Variants in DDA1 observed in about 807,000 individuals in gnomAD.
DDA1 encodes the protein DET1 and DDB1 associated 1.
DDA1 carries 3 observed loss-of-function variants against 18.6 expected under a neutral mutation model. The observed-to-expected ratio is 0.16, with a 90% CI of 0.07 to 0.42. DDA1 has a LOEUF of 0.42. Ranked by LOEUF, DDA1 falls within the 10% of genes least tolerant of loss-of-function variation. The probability of loss-of-function intolerance (pLI) is 0.99; values close to 1 mark genes in which losing one functional copy is unlikely to be tolerated. For synonymous variants in DDA1, 52 were observed against 54.0 expected (o/e 0.96, Z 0.17); for missense variants, 105 against 138.2 (o/e 0.76, Z 1.20).
intron 4 of DDA1, 113 bp downstream of exon 4, chr19:17,316,108 C>G: frequency 1.6e-6 from 2 of 1,282,314 alleles, no homozygotes; most frequent in Non-Finnish European, 2.3e-6. Flanking sequence ...GCCTTGAGGG[C>G]TGGGTAGGAG....
In DDA1 at chr19:17,319,934, C is replaced by G. The variant is rs1242266957; in HGVS notation, c.*278C>G. 2.9e-5 allele frequency: 10 copies of G among 346,990 alleles called. No individual in the cohort carries two copies. The highest frequency in any genetic ancestry group is 4.3e-5 in the Non-Finnish European group (8 of 188,004). The allele number at this position is 346,990 out of a possible 1,614,324, so 21.5% of individuals were successfully genotyped here. ...AAAAAAACAACATTGTCCCCCCGAC[C>G]CCCGCCTTCCATCGGGCCAGTTCCC... On this transcript the variant is annotated 3_prime_UTR_variant, in exon 5 of 5. Coordinates refer to ENST00000359866, the MANE Select transcript of DDA1 (RefSeq NM_024050.6).
At position 17,320,529 on chromosome 19, in the gene DDA1, T is replaced by G. The variant is rs1425187823; in HGVS notation, c.*873T>G. The G allele has an allele frequency of 6.6e-6, 1 of 152,346 alleles. No individual in the cohort carries two copies. Among genetic ancestry groups the G allele is most frequent in the African/African-American group, 2.4e-5 (1 of 41,460 alleles). The allele number at this position is 152,346 out of a possible 1,614,324, so 9.4% of individuals were successfully genotyped here. A position where few individuals can be genotyped will look rare whatever the true frequency, so the allele number is the denominator to read the frequency against. On this transcript the variant is annotated 3_prime_UTR_variant, in exon 5 of 5. Transcript: ENST00000359866. ...AGGACAGGTCATTCCTGAGAGACGGTCCATGGTGCCAAGGATGGAGCGGGG... is the reference window on the plus strand; with the variant it reads ...AGGACAGGTCATTCCTGAGAGACGGGCCATGGTGCCAAGGATGGAGCGGGG...
intron 4 of DDA1, among the ~76,000 whole-genome samples, chr19:17,317,681 A>C (rs1049538492): frequency 1.3e-5 from 2 of 151,496 alleles, no homozygotes; most frequent in East Asian, 1.9e-4. Context: ...AAAAAAAAAA[A>C]AAAAAAACAA....
At chr19:17,319,498 T>G in intron 4 of DDA1, 48 bp from the exon 5 acceptor site, 2 of 1,501,148 alleles carry the variant, frequency 1.3e-6, no homozygotes, top group South Asian at 2.4e-5. Flanking sequence ...AGGTTGAGGC[T>G]GTCCGAAAAA....
intron 3 of DDA1, among the ~76,000 whole-genome samples, chr19:17,315,150 C>CGTATATATACACACGT (rs1568353576): frequency 3.1e-5 from 2 of 63,846 alleles, no homozygotes. Context: ...TATACACACA[C>CGTATATATACACACGT]GTATATATAC....
At chr19:17,310,789 A>C (rs1273212494) in intron 1 of DDA1, among the ~76,000 whole-genome samples, 1 of 152,064 alleles carries the variant, frequency 6.6e-6, no homozygotes, top group African/African-American at 2.4e-5. Context: ...AGTGGATTAG[A>C]TTGTCTCTGC....
intron 1 of DDA1, 35 bp from the exon 2 acceptor site, chr19:17,313,988 C>A: frequency 6.3e-7 from 1 of 1,579,698 alleles, no homozygotes; most frequent in Non-Finnish European, 8.7e-7. Context: ...TGGCCCTTGC[C>A]TGTTTTCTCA....
chr19:17,319,682 T>C lies in DDA1; in HGVS notation c.*26T>C. 6.5e-7 allele frequency: 1 copy of C among 1,546,802 alleles called. No homozygotes were observed. Among genetic ancestry groups the C allele is most frequent in the Non-Finnish European group, 8.7e-7 (1 of 1,143,296 alleles). Reference sequence around the variant, plus strand: ...GACTCTCAACTCCACAGGCGCCTCCTGCCAGGTCTGCTCCTCGGTCGCCCA... The same window carrying C: ...GACTCTCAACTCCACAGGCGCCTCCCGCCAGGTCTGCTCCTCGGTCGCCCA... On this transcript the variant is annotated 3_prime_UTR_variant, in exon 5 of 5. Transcript: ENST00000359866.
rs187816280 is a variant in DDA1 at position 17,314,453 on chromosome 19, C to T, written c.136+64C>T. Reference sequence around the variant, plus strand: ...GAGGGGCGGGGTTTGGTGACTGCAGCGTGGCACGCGGAGGTTATCTTCAAC... The same window carrying T: ...GAGGGGCGGGGTTTGGTGACTGCAGTGTGGCACGCGGAGGTTATCTTCAAC... On this transcript the variant is annotated intron_variant, in intron 3 of 4. Coordinates refer to ENST00000359866, the MANE Select transcript of DDA1 (RefSeq NM_024050.6). This position sits in a 1 kb window ranked among gnomAD's most constrained non-coding sequence, Gnocchi z 4.6. 66 of 1,601,604 alleles carry T rather than the reference C, an allele frequency of 4.1e-5. No individual in the cohort carries two copies. Among genetic ancestry groups the T allele is most frequent in the Admixed American group, 3.0e-4 (18 of 59,916 alleles).
At chr19:17,313,942 C>T (rs1359664232) in intron 1 of DDA1, 81 bp from the exon 2 acceptor site, 4 of 1,154,526 alleles carry the variant, frequency 3.5e-6, no homozygotes, top group Non-Finnish European at 5.2e-6. Flanking sequence ...GAAGAAGGAA[C>T]CCAGCAGTCA....
Position 17,319,923 on chromosome 19 carries a change from G to C in DDA1, c.*267G>C. 1 of 372,248 alleles carries C rather than the reference G, an allele frequency of 2.7e-6. No homozygotes were observed. The allele number at this position is 372,248 out of a possible 1,614,324, so 23.1% of individuals were successfully genotyped here. ...GATGCTTTTTAAAAAAAACAACATT[G>C]TCCCCCCGACCCCCGCCTTCCATCG... On this transcript the variant is annotated 3_prime_UTR_variant, in exon 5 of 5. Transcript: ENST00000359866.
At position 17,315,123 on chromosome 19, in the gene DDA1, A is replaced by G. The variant is rs74197774; in HGVS notation, c.136+734A>G. ...TACACACATATATATACACACACGT[A>G]TATATACACACATATATATACACAC... On this transcript the variant is annotated intron_variant, in intron 3 of 4. Transcript: ENST00000359866. Among the ~76,000 whole-genome samples the G allele has an allele frequency of 2.9e-3, 248 of 85,598 alleles. 7 individuals are homozygous for G. The highest frequency in any genetic ancestry group is 0.013 in the East Asian group (50 of 3,758). The allele number at this position is 85,598 out of a possible 152,430, so 56.2% of individuals were successfully genotyped here.
At chr19:17,317,668 TAA>T (rs34303101) in intron 4 of DDA1, among the ~76,000 whole-genome samples, 58 of 97,682 alleles carry the variant, frequency 5.9e-4, no homozygotes, top group Admixed American at 1.1e-3. Context: ...ACTCCATCAC[TAA>T]AAAAAAAAAA....
Position 17,315,950 on chromosome 19 carries a change from G to A in DDA1, c.153G>A (p.Lys51=). Residue 51 remains lysine, a synonymous_variant, in exon 4 of 5, where the codon AAG becomes AAA. Transcript: ENST00000359866. Reference sequence around the variant, plus strand: ...CCTCCTTAGTCATCGTGACAGAAAAGACAAACATCCTCCTGCGCTACCTGC... The same window carrying A: ...CCTCCTTAGTCATCGTGACAGAAAAAACAAACATCCTCCTGCGCTACCTGC... ...YPSEQIIVTE[K]TNILLRYLHQ... is the part of the protein sequence containing the mutation. 6.2e-7 allele frequency: 1 copy of A among 1,614,156 alleles called. No individual in the cohort carries two copies. Among genetic ancestry groups the A allele is most frequent in the Non-Finnish European group, 8.5e-7 (1 of 1,180,014 alleles).
In DDA1 at chr19:17,309,626, G is replaced by T; in HGVS notation, c.-29G>T. ...TGGCGGCGGTGGAGGCTGAGGCGGCGGCCGAGGCGGCGACGGAGGAAACAG... is the reference window on the plus strand; with the variant it reads ...TGGCGGCGGTGGAGGCTGAGGCGGCTGCCGAGGCGGCGACGGAGGAAACAG... On this transcript the variant is annotated 5_prime_UTR_variant, in exon 1 of 5. Coordinates refer to ENST00000359866, the MANE Select transcript of DDA1 (RefSeq NM_024050.6). 1 of 1,612,396 alleles carries T rather than the reference G, an allele frequency of 6.2e-7. No homozygotes were observed. Among genetic ancestry groups the T allele is most frequent in the Non-Finnish European group, 8.5e-7 (1 of 1,178,996 alleles).
At chr19:17,317,868 C>CA (rs2074221421) in intron 4 of DDA1, among the ~76,000 whole-genome samples, 1 of 152,016 alleles carries the variant, frequency 6.6e-6, no homozygotes, top group African/African-American at 2.4e-5. Context: ...GGTGTAGTTG[C>CA]AGCGAAGAGT....
rs75172590 is a variant in DDA1 at position 17,315,807 on chromosome 19, G to A, written c.137-127G>A. The A allele has an allele frequency of 1.5e-3, 1,352 of 890,246 alleles. 30 individuals are homozygous for A. The East Asian group carries it at 0.027, about 18-fold the overall frequency. The allele number at this position is 890,246 out of a possible 1,614,324, so 55.1% of individuals were successfully genotyped here. A position where few individuals can be genotyped will look rare whatever the true frequency, so the allele number is the denominator to read the frequency against. On this transcript the variant is annotated intron_variant, in intron 3 of 4. Transcript: ENST00000359866. Reference sequence around the variant, plus strand: ...GAGTGTGCTCAGAAGCAAAAACATGGGACTTTTGGAGATCTCTGGAGTTGG... The same window carrying A: ...GAGTGTGCTCAGAAGCAAAAACATGAGACTTTTGGAGATCTCTGGAGTTGG...
In DDA1 at chr19:17,315,286, CTA is replaced by C. The variant is rs1555722694; in HGVS notation, c.137-639_137-638del. Among the ~76,000 whole-genome samples, 54 of 29,188 alleles carry C rather than the reference CTA, an allele frequency of 1.9e-3. 14 individuals are homozygous for C. Among genetic ancestry groups the C allele is most frequent in the Middle Eastern group, 0.032 (2 of 62 alleles). The allele number at this position is 29,188 out of a possible 152,430, so 19.1% of individuals were successfully genotyped here. A position where few individuals can be genotyped will look rare whatever the true frequency, so the allele number is the denominator to read the frequency against. On this transcript the variant is annotated intron_variant, in intron 3 of 4. Coordinates refer to ENST00000359866, the MANE Select transcript of DDA1 (RefSeq NM_024050.6). Reference sequence around the variant, plus strand: ...ATACACACACGTGTATATACACACACTATATATATACACACGTGTATATATAT... The same window carrying C: ...ATACACACACGTGTATATACACACACTATATATACACACGTGTATATATAT...
chr19:17,315,335 GTATA>G (rs753902556), intron 3 of DDA1, among the ~76,000 whole-genome samples: 60 of 40,358 alleles, frequency 1.5e-3, no homozygotes, highest in Non-Finnish European at 2.4e-3. Context: ...ATATACACAC[GTATA>G]TATATACACG....
Sources: allele counts gnomAD v4.1 joint callset (sites outside exome capture counted in the v4.1 genomes callset), GRCh38; gene constraint gnomAD v4.1.1; non-coding constraint Gnocchi (gnomAD v3.1); transcripts MANE v1.5; gene names NCBI Gene and HGNC (gene_info 2026-07-23, HGNC 2026-07-21).